The following OR2L13 variants were observed in gnomAD, a reference collection of about 807,000 sequenced individuals.
The protein encoded by OR2L13 is olfactory receptor family 2 subfamily L member 13.
A neutral mutation model predicts 15.3 loss-of-function variants in OR2L13; 14 were observed. That is an observed-to-expected ratio of 0.91 (90% CI 0.60 to 1.43). The LOEUF (loss-of-function observed/expected upper bound fraction) is 1.43. Among genes scored for constraint, OR2L13 ranks in the 40% most tolerant of loss-of-function variants. OR2L13 has a pLI of 0.00. For missense variants in OR2L13, 367 were observed against 387.9 expected, an observed-to-expected ratio of 0.95 and a Z score of 0.45; for synonymous variants, 152 against 142.9, an observed-to-expected ratio of 1.06 and a Z score of -0.45.
At chr1:248,040,806 G>A in the OR2L13 span, 4 of 152,146 alleles carry the variant, frequency 2.6e-5, no homozygotes, top group Non-Finnish European at 5.9e-5. Flanking sequence ...GGCGGTCAGT[G>A]ACCCTAATTT....
At chr1:248,073,472 G>A in the OR2L13 span, among the ~76,000 whole-genome samples, 2 of 151,210 alleles carry the variant, frequency 1.3e-5, no homozygotes, top group African/African-American at 4.9e-5. Flanking sequence ...TCTGAGGACT[G>A]TTGTGGGGTG....
upstream of OR2L13, among the ~76,000 whole-genome samples, chr1:248,091,226 T>A (rs556495191): frequency 5.3e-5 from 8 of 152,288 alleles, no homozygotes; most frequent in African/African-American, 1.9e-4. Context: ...TATCCCATTC[T>A]GTAGTTTGTC....
the OR2L13 span, among the ~76,000 whole-genome samples, chr1:247,972,657 C>T: frequency 6.6e-6 from 1 of 150,970 alleles, no homozygotes; most frequent in African/African-American, 2.4e-5. Flanking sequence ...CAAAAAAAAC[C>T]CAGGACCAGA....
At chr1:248,036,597 C>T in the OR2L13 span, among the ~76,000 whole-genome samples, 19 of 121,074 alleles carry the variant, frequency 1.6e-4, no homozygotes, top group African/African-American at 5.9e-4. Context: ...TATTGTTACA[C>T]TTCCTCAAAG....
the OR2L13 span, chr1:248,022,373 G>A: frequency 6.2e-7 from 1 of 1,614,066 alleles, no homozygotes; most frequent in Non-Finnish European, 8.5e-7. Flanking sequence ...TGTATGTGCT[G>A]ATGATAACAG....
At chr1:248,070,558 T>C in the OR2L13 span, among the ~76,000 whole-genome samples, 1 of 151,738 alleles carries the variant, frequency 6.6e-6, no homozygotes, top group Non-Finnish European at 1.5e-5. Context: ...ACATCACAAT[T>C]AAAAAAACTA....
chr1:247,961,508 G>A, the OR2L13 span, among the ~76,000 whole-genome samples: 1 of 152,150 alleles, frequency 6.6e-6, no homozygotes, highest in South Asian at 2.1e-4. Flanking sequence ...TTGGGAAGCA[G>A]GCTAATTGAA....
At chr1:247,966,003 ACCATTCCTAG>A in the OR2L13 span, 2 of 1,612,992 alleles carry the variant, frequency 1.2e-6, no homozygotes. Context: ...TCTTGCTACT[ACCATTCCTAG>A]CCATTCTGGC....
the OR2L13 span, among the ~76,000 whole-genome samples, chr1:248,085,803 C>G: frequency 6.6e-6 from 1 of 152,090 alleles, no homozygotes; most frequent in Non-Finnish European, 1.5e-5. Flanking sequence ...ACTGTTTCAC[C>G]TTGGATCATC....
the OR2L13 span, chr1:248,004,201 T>A: frequency 2.8e-6 from 2 of 711,980 alleles, no homozygotes; most frequent in East Asian, 2.8e-5. Context: ...AATCACTGAT[T>A]TCTGGACAAA....
chr1:247,940,677 T>C, the OR2L13 span, among the ~76,000 whole-genome samples: 1 of 152,096 alleles, frequency 6.6e-6, no homozygotes, highest in African/African-American at 2.4e-5. Flanking sequence ...AATGAACATA[T>C]GAATGCATGT....
At chr1:248,061,082 G>C in the OR2L13 span, 6 of 1,613,956 alleles carry the variant, frequency 3.7e-6, no homozygotes, top group Non-Finnish European at 5.1e-6. Context: ...TATCCCATCC[G>C]CATGAGCAAA....
the OR2L13 span, chr1:248,003,735 C>A: frequency 3.1e-6 from 5 of 1,613,664 alleles, no homozygotes; most frequent in South Asian, 5.5e-5. Context: ...CTTTTGAGTG[C>A]CACCATCTTT....
the OR2L13 span, among the ~76,000 whole-genome samples, chr1:248,080,250 T>C: frequency 6.6e-6 from 1 of 152,170 alleles, no homozygotes; most frequent in Non-Finnish European, 1.5e-5. Flanking sequence ...GAATGAATTC[T>C]TTTTTTCATT....
chr1:248,009,234 A>T, the OR2L13 span, among the ~76,000 whole-genome samples: 3 of 152,144 alleles, frequency 2.0e-5, no homozygotes, highest in Non-Finnish European at 4.4e-5. Context: ...CAATGAATCC[A>T]GGAGCTGGTT....
intron 1 of OR2L13, among the ~76,000 whole-genome samples, chr1:248,097,819 A>G (rs989748522): frequency 6.6e-5 from 10 of 152,182 alleles, no homozygotes; most frequent in African/African-American, 2.4e-4. Flanking sequence ...AGGCTTTTCC[A>G]ATTTCCAGGA....
the OR2L13 span, among the ~76,000 whole-genome samples, chr1:248,050,012 C>T: frequency 1.8e-4 from 28 of 152,074 alleles, no homozygotes; most frequent in African/African-American, 6.3e-4. Context: ...GTGGCGATAC[C>T]TATCTGAAGA....
At chr1:248,059,203 A>G in the OR2L13 span, among the ~76,000 whole-genome samples, 1 of 152,282 alleles carries the variant, frequency 6.6e-6, no homozygotes, top group South Asian at 2.1e-4. Flanking sequence ...TGGTTATAGT[A>G]GCTCAAAATT....
the OR2L13 span, among the ~76,000 whole-genome samples, chr1:247,980,644 T>C: frequency 6.6e-6 from 1 of 152,222 alleles, no homozygotes; most frequent in Non-Finnish European, 1.5e-5. Flanking sequence ...TCCTATGTTA[T>C]TAGTGATTCA....
Sources: gnomAD v4.1 joint callset for allele counts (sites outside exome capture counted in the v4.1 genomes callset) on GRCh38, gnomAD v4.1.1 for gene constraint, MANE v1.5 for transcripts, NCBI Gene and HGNC (gene_info 2026-07-23, HGNC 2026-07-21) for gene names.